The following GALNT17 variants were observed in gnomAD, a reference collection of about 807,000 sequenced individuals.
The protein encoded by GALNT17 is UDP-GalNAc:polypeptide N-acetylgalactosaminyltransferase-like 3.
GALNT17 carries 29 observed loss-of-function variants against 63.7 expected under a neutral mutation model. The ratio of observed to expected loss-of-function variants is 0.46; its 90% CI spans 0.34 to 0.62. The LOEUF is 0.62. Ranked by LOEUF, GALNT17 falls within the 20% of genes least tolerant of loss-of-function variation. The probability of loss-of-function intolerance (pLI) is 0.01; values close to 1 mark genes in which losing one functional copy is unlikely to be tolerated. For synonymous variants in GALNT17, 305 were observed against 318.3 expected, an observed-to-expected ratio of 0.96 and a Z score of 0.45; for missense variants, 603 against 799.6, an observed-to-expected ratio of 0.75 and a Z score of 2.97.
At chr7:71,509,669 A>G (rs1465326631) in intron 5 of GALNT17, among the ~76,000 whole-genome samples, 1 of 152,148 alleles carries the variant, frequency 6.6e-6, no homozygotes, top group Non-Finnish European at 1.5e-5. Flanking sequence ...AAAGAGCCTG[A>G]GGCTAGGATC....
intron 1 of GALNT17, among the ~76,000 whole-genome samples, chr7:71,137,934 T>C (rs1234938422): frequency 6.6e-6 from 1 of 152,264 alleles, no homozygotes; most frequent in Non-Finnish European, 1.5e-5. Flanking sequence ...AATAGCCTGC[T>C]CTTGACCAGA....
At chr7:71,473,632 CCTTT>C (rs1367607766) in intron 5 of GALNT17, among the ~76,000 whole-genome samples, 1 of 152,020 alleles carries the variant, frequency 6.6e-6, no homozygotes, top group African/African-American at 2.4e-5. Context: ...GCTTGTCCAT[CCTTT>C]CTTCTCTTCA....
At chr7:71,233,688 G>T (rs1789835305) in intron 1 of GALNT17, among the ~76,000 whole-genome samples, 1 of 152,076 alleles carries the variant, frequency 6.6e-6, no homozygotes, top group Admixed American at 6.5e-5. Context: ...GATGGTAGGG[G>T]TGGCCTTGCC....
At chr7:71,543,059 C>T (rs1788920628) in intron 5 of GALNT17, among the ~76,000 whole-genome samples, 1 of 148,724 alleles carries the variant, frequency 6.7e-6, no homozygotes. Flanking sequence ...AAAAAGCCCA[C>T]ACACCAAAAG....
intron 3 of GALNT17, among the ~76,000 whole-genome samples, chr7:71,404,431 T>C (rs952454658): frequency 1.3e-5 from 2 of 152,216 alleles, no homozygotes; most frequent in Non-Finnish European, 2.9e-5. Flanking sequence ...AGCTTCCCTC[T>C]TTAATCTCTC....
At chr7:71,335,877 A>G in intron 2 of GALNT17, 144 bp downstream of exon 2, 1 of 686,040 alleles carries the variant, frequency 1.5e-6, no homozygotes, top group South Asian at 5.7e-5. Context: ...TAAACTTAGT[A>G]CTCCTGTTGC....
chr7:71,278,104 A>G (rs530832762), intron 1 of GALNT17, among the ~76,000 whole-genome samples: 35 of 152,332 alleles, frequency 2.3e-4, no homozygotes, highest in Middle Eastern at 3.4e-3. Context: ...GCAAAAAGTA[A>G]TAATAATGAT....
intron 1 of GALNT17, among the ~76,000 whole-genome samples, chr7:71,172,473 A>G (rs1788563557): frequency 6.6e-6 from 1 of 151,872 alleles, no homozygotes; most frequent in Admixed American, 6.6e-5. Context: ...AAAAGAAAAA[A>G]AAAAAAGAAC....
At position 71,204,917 on chromosome 7, in the gene GALNT17, T is replaced by C. The variant is rs1317271657; in HGVS notation, c.238+71877T>C. On this transcript the variant is annotated intron_variant, in intron 1 of 10. Transcript: ENST00000333538. The stretch of plus-strand genomic sequence containing the variant: ...CCTGCCACCATGCCTGGTAAATTTT[T>C]GTATTTTTAGTAGAGACGGGGTTTC... Among the ~76,000 whole-genome samples the C allele has an allele frequency of 2.0e-5, 3 of 152,008 alleles. No homozygotes were observed. In the East Asian group the frequency reaches 5.8e-4, roughly 29 times the overall value.
chr7:71,415,988 G>C lies in GALNT17; in HGVS notation c.689G>C (p.Arg230Pro). 6.2e-7 allele frequency: 1 copy of C among 1,613,808 alleles called. No homozygotes were observed. Residue 230 changes from arginine to proline, a missense_variant, in exon 4 of 11, where the codon CGC becomes CCC. Arg to Pro is a moderately radical substitution (Grantham distance 103). Around this residue, in one of 3 missense-constraint regions of GALNT17, gnomAD observed 336 missense variants for 507.8 expected, o/e 0.66. Coordinates refer to ENST00000333538, the MANE Select transcript of GALNT17 (RefSeq NM_022479.3). ...AAGAGGGAAGGCCTGATCCGCGCTC[G>C]CATTGAGGGCTGGAAGGTGGCTACC... ...NQKREGLIRA[R>P]IEGWKVATGQ...
intron 9 of GALNT17, among the ~76,000 whole-genome samples, chr7:71,685,016 T>G (rs775675973): frequency 3.3e-5 from 5 of 152,054 alleles, no homozygotes; most frequent in Non-Finnish European, 7.4e-5. Flanking sequence ...GAGATTCAGA[T>G]AGGGCAATGC....
chr7:71,323,948 G>A (rs1791660193), intron 1 of GALNT17, among the ~76,000 whole-genome samples: 1 of 152,198 alleles, frequency 6.6e-6, no homozygotes, highest in Non-Finnish European at 1.5e-5. Flanking sequence ...ATTTTCACCA[G>A]CCTCTGACTT....
chr7:71,384,667 G>A (rs1792908086), intron 2 of GALNT17, among the ~76,000 whole-genome samples: 1 of 152,166 alleles, frequency 6.6e-6, no homozygotes, highest in East Asian at 1.9e-4. Flanking sequence ...GAATTAGCCC[G>A]GTAGGAATTT....
At chr7:71,291,671 A>G (rs1790981910) in intron 1 of GALNT17, among the ~76,000 whole-genome samples, 1 of 152,122 alleles carries the variant, frequency 6.6e-6, no homozygotes, top group South Asian at 2.1e-4. Flanking sequence ...TTTTAATGTT[A>G]TGCGTACCTT....
At chr7:71,299,767 C>T (rs1303366637) in intron 1 of GALNT17, among the ~76,000 whole-genome samples, 2 of 151,662 alleles carry the variant, frequency 1.3e-5, no homozygotes, top group Non-Finnish European at 2.9e-5. Flanking sequence ...TTTATTATTA[C>T]AATTTTTTTT....
intron 5 of GALNT17, among the ~76,000 whole-genome samples, chr7:71,462,214 C>G (rs965886786): frequency 6.6e-6 from 1 of 152,138 alleles, no homozygotes; most frequent in African/African-American, 2.4e-5. Flanking sequence ...GAAATTCTGG[C>G]CCTTTCATCC....
intron 1 of GALNT17, among the ~76,000 whole-genome samples, chr7:71,215,249 A>G (rs1789456452): frequency 6.6e-6 from 1 of 152,028 alleles, no homozygotes; most frequent in African/African-American, 2.4e-5. Context: ...TAGGGCTTAG[A>G]GCTCCTGCCA....
At chr7:71,662,754 AT>A (rs1226734056) in intron 6 of GALNT17, among the ~76,000 whole-genome samples, 1 of 152,186 alleles carries the variant, frequency 6.6e-6, no homozygotes, top group African/African-American at 2.4e-5. Context: ...GTTACATTTT[AT>A]TTATGCATTA....
chr7:71,245,848 G>GTTTTTTTTTTTTTTGTTTTTTTT (rs1790083605), intron 1 of GALNT17, among the ~76,000 whole-genome samples: 1 of 122,892 alleles, frequency 8.1e-6, no homozygotes, highest in Non-Finnish European at 1.8e-5. Context: ...AAGAGAGCAG[G>GTTTTTTTTTTTTTTGTTTTTTTT]TTTTTTTTTT....
Sources: gnomAD v4.1 joint callset for allele counts (sites outside exome capture counted in the v4.1 genomes callset) on GRCh38, gnomAD v4.1.1 for gene constraint, gnomAD v4.1.1 regional missense constraint, MANE v1.5 for transcripts, NCBI Gene and HGNC (gene_info 2026-07-23, HGNC 2026-07-21) for gene names.